ZNF334: variants seen among roughly 807,000 people sequenced by gnomAD.
ZNF334 encodes the protein zinc finger protein 334.
In ZNF334, 14 loss-of-function variants were observed where a neutral mutation model predicts 12.4. That is an observed-to-expected ratio of 1.13 (90% CI 0.74 to 1.76). The LOEUF (loss-of-function observed/expected upper bound fraction) is 1.76, where lower values mean the gene tolerates loss of function less well. Among genes scored for constraint, ZNF334 ranks in the 40% most tolerant of loss-of-function variants. The pLI, the probability that ZNF334 is intolerant of heterozygous loss-of-function variation, is 0.00. For missense variants in ZNF334, 797 were observed against 804.5 expected (o/e 0.99, Z 0.11); for synonymous variants, 273 against 269.6 (o/e 1.01, Z -0.12).
intron 2 of ZNF334, chr20:46,506,200 A>G: frequency 2.4e-6 from 1 of 414,256 alleles, no homozygotes; most frequent in Admixed American, 4.3e-5. Context: ...GAGAGATACC[A>G]CAGTGATCAG....
At chr20:46,464,985 C>T in the ZNF334 span, 4 of 443,600 alleles carry the variant, frequency 9.0e-6, no homozygotes, top group African/African-American at 2.0e-5. Context: ...ACATCTGCAG[C>T]GGCCTCCATA....
the ZNF334 span, among the ~76,000 whole-genome samples, chr20:46,487,620 A>G: frequency 6.6e-6 from 1 of 152,230 alleles, no homozygotes; most frequent in Non-Finnish European, 1.5e-5. Context: ...AACACCTAGA[A>G]TTATGCTCTG....
In ZNF334 at chr20:46,504,700, T is replaced by A. The variant is rs1307599501; in HGVS notation, c.62A>T (p.Gln21Leu). The change falls in exon 3 of 5, where the codon CAA (glutamine) becomes CTA (leucine). Residue 21 changes from glutamine to leucine, a missense_variant. By Grantham distance (113) the Gln-to-Leu change is moderately radical. Coordinates refer to ENST00000692313, the MANE Select transcript of ZNF334 (RefSeq NM_001353824.2). ...AGGGTCCAGTTGCTGCCATTCCTCTTGGGTGAAGTTCACAGTCAGGTCCTG... is the reference window on the plus strand; with the variant it reads ...AGGGTCCAGTTGCTGCCATTCCTCTAGGGTGAAGTTCACAGTCAGGTCCTG... ...SFQDLTVNFT[Q>L]EEWQQLDPAQ... is the part of the protein sequence containing the mutation. 2.5e-6 allele frequency: 4 copies of A among 1,612,872 alleles called. No homozygotes were observed. The highest frequency in any genetic ancestry group is 2.2e-5 in the South Asian group (2 of 90,850).
At chr20:46,504,476 A>C (rs1443483962) in intron 3 of ZNF334, 138 bp downstream of exon 3, 11 of 1,243,682 alleles carry the variant, frequency 8.8e-6, no homozygotes, top group Non-Finnish European at 1.1e-5. Flanking sequence ...ATACATACAC[A>C]AACTTCTACT....
At chr20:46,490,311 CAAT>C in the ZNF334 span, among the ~76,000 whole-genome samples, 1 of 152,180 alleles carries the variant, frequency 6.6e-6, no homozygotes, top group African/African-American at 2.4e-5. Context: ...TCGGCCCAAT[CAAT>C]AATGACCCTG....
chr20:46,490,368 G>A, the ZNF334 span, among the ~76,000 whole-genome samples: 12 of 152,234 alleles, frequency 7.9e-5, no homozygotes, highest in South Asian at 2.3e-3. Flanking sequence ...AGACAGATGT[G>A]TATTTACTCA....
At position 46,499,727 on chromosome 20, in the gene ZNF334, T is replaced by C. The variant is rs937037893; in HGVS notation, c.*1569A>G. On this transcript the variant is annotated 3_prime_UTR_variant, in exon 5 of 5. Coordinates refer to ENST00000692313, the MANE Select transcript of ZNF334 (RefSeq NM_001353824.2). The stretch of plus-strand genomic sequence containing the variant: ...ACCAAATCTTTGAAGTGACTATTAA[T>C]ACATTTCACAGGAAAAGAGCAAGAT... 6.6e-6 allele frequency: 1 copy of C among 152,224 alleles called. No individual in the cohort carries two copies. The highest frequency in any genetic ancestry group is 1.5e-5 in the Non-Finnish European group (1 of 68,036). 9.4% of individuals were successfully genotyped at this position (152,224 alleles called of 1,614,324 possible). A position where few individuals can be genotyped will look rare whatever the true frequency, so the allele number is the denominator to read the frequency against.
the ZNF334 span, among the ~76,000 whole-genome samples, chr20:46,465,896 A>C: frequency 2.0e-5 from 3 of 152,118 alleles, no homozygotes; most frequent in Admixed American, 1.3e-4. Flanking sequence ...TGGAGCTTGC[A>C]GTGAGCCAAG....
At chr20:46,498,967 G>A (rs1179669537), downstream of ZNF334, among the ~76,000 whole-genome samples, 9 of 151,986 alleles carry the variant, frequency 5.9e-5, no homozygotes, top group East Asian at 1.7e-3. Context: ...GAGGTCAGGA[G>A]ATCGAGACCA....
At chr20:46,497,572 C>G (rs889160097), downstream of ZNF334, among the ~76,000 whole-genome samples, 3 of 152,096 alleles carry the variant, frequency 2.0e-5, no homozygotes, top group Non-Finnish European at 2.9e-5. Context: ...CTATCTTCCC[C>G]CTTATTCCCT....
Position 46,501,141 on chromosome 20 carries a change from T to C in ZNF334, c.*155A>G. ...ACAAATTATTTCTTTCCTACATGAT[T>C]TCTCTGATGTTACATTGAGGGTTGA... On this transcript the variant is annotated 3_prime_UTR_variant, in exon 5 of 5. Transcript: ENST00000692313. 1.3e-6 allele frequency: 1 copy of C among 774,708 alleles called. No homozygotes were observed. The highest frequency in any genetic ancestry group is 2.0e-6 in the Non-Finnish European group (1 of 502,990). 48.0% of individuals were successfully genotyped at this position (774,708 alleles called of 1,614,324 possible). A position where few individuals can be genotyped will look rare whatever the true frequency, so the allele number is the denominator to read the frequency against.
the ZNF334 span, among the ~76,000 whole-genome samples, chr20:46,483,290 T>TG: frequency 2.1e-5 from 3 of 144,748 alleles, no homozygotes; most frequent in Admixed American, 6.8e-5. Context: ...CTGCAGCTTC[T>TG]ATTTTTTTTT....
the ZNF334 span, among the ~76,000 whole-genome samples, chr20:46,486,020 T>C: frequency 1.3e-5 from 2 of 152,216 alleles, no homozygotes; most frequent in African/African-American, 4.8e-5. Context: ...CACTGCCGCC[T>C]TGTGGCTTTA....
At chr20:46,481,970 C>T in the ZNF334 span, among the ~76,000 whole-genome samples, 4 of 151,978 alleles carry the variant, frequency 2.6e-5, no homozygotes, top group Non-Finnish European at 5.9e-5. Context: ...GGGGTTTCTC[C>T]TGGGTTGTCT....
chr20:46,477,497 C>T, the ZNF334 span, among the ~76,000 whole-genome samples: 1 of 152,130 alleles, frequency 6.6e-6, no homozygotes, highest in East Asian at 1.9e-4. Flanking sequence ...TGCCACCATA[C>T]CTGGAATTTT....
At chr20:46,464,244 G>A in the ZNF334 span, 1 of 542,348 alleles carries the variant, frequency 1.8e-6, no homozygotes, top group Admixed American at 2.0e-5. Flanking sequence ...TTGCCTCCTT[G>A]ACTTTCTGGA....
intron 2 of ZNF334, chr20:46,509,518 T>C (rs1289037710): frequency 4.3e-6 from 3 of 701,294 alleles, no homozygotes; most frequent in African/African-American, 3.5e-5. Flanking sequence ...GGTCAGCACA[T>C]GGGACATCTC....
the ZNF334 span, chr20:46,474,396 T>C: frequency 2.5e-4 from 35 of 142,066 alleles, 1 homozygote; most frequent in African/African-American, 8.5e-4. Flanking sequence ...AAAAAAAAAA[T>C]GGAAATCAGA....
downstream of ZNF334, among the ~76,000 whole-genome samples, chr20:46,499,160 C>A (rs942355041): frequency 9.1e-6 from 1 of 110,132 alleles, no homozygotes; most frequent in African/African-American, 3.6e-5. Flanking sequence ...GGCGACAGAG[C>A]GAGACTCCGT....
Sources: gnomAD v4.1 joint callset for allele counts (sites outside exome capture counted in the v4.1 genomes callset) on GRCh38, gnomAD v4.1.1 for gene constraint, MANE v1.5 for transcripts, NCBI Gene and HGNC (gene_info 2026-07-23, HGNC 2026-07-21) for gene names.